Variants in CREBRF observed in about 807,000 individuals in gnomAD.
The protein encoded by CREBRF is UPF0474 protein C5orf41.
Under a neutral mutation model 66.1 loss-of-function variants are expected in CREBRF, and 5 were observed. That is an observed-to-expected ratio of 0.08 (90% confidence interval 0.04 to 0.16). The LOEUF is 0.16. Among genes scored for constraint, CREBRF ranks in the 10% least tolerant of loss-of-function variants. The probability of loss-of-function intolerance (pLI) is 1.00; values close to 1 mark genes in which losing one functional copy is unlikely to be tolerated. For synonymous variants in CREBRF, 229 were observed against 264.4 expected (o/e 0.87, Z 1.30); for missense variants, 531 against 744.9 (o/e 0.71, Z 3.34).
rs562884568 is a variant in CREBRF, at chr5:173,127,001, T to G, written c.1804+3799T>G. On this transcript the variant is annotated intron_variant, in intron 8 of 8. Coordinates refer to ENST00000296953, the MANE Select transcript of CREBRF (RefSeq NM_153607.3). ...CAGGAGCTCAAGACCAGCCTGAACC[T>G]GGAAGGTCAAGGCTTCAATGAGCAG... Among the ~76,000 whole-genome samples the G allele has an allele frequency of 2.0e-5, 3 of 152,214 alleles. No individual in the cohort carries two copies. In the East Asian group the frequency reaches 5.8e-4, roughly 29 times the overall value.
chr5:173,083,894 CAATT>C (rs1270014272), intron 2 of CREBRF, among the ~76,000 whole-genome samples: 1 of 152,056 alleles, frequency 6.6e-6, no homozygotes, highest in African/African-American at 2.4e-5. Flanking sequence ...ATTACAAACT[CAATT>C]TATTTGGTGT....
At chr5:173,116,958 T>C (rs1442910594) in intron 7 of CREBRF, among the ~76,000 whole-genome samples, 2 of 152,184 alleles carry the variant, frequency 1.3e-5, no homozygotes, top group Non-Finnish European at 2.9e-5. Context: ...TGGTCTTAAC[T>C]TTTCATTTCT....
intron 4 of CREBRF, among the ~76,000 whole-genome samples, chr5:173,108,073 C>T (rs1281268934): frequency 2.6e-5 from 4 of 151,738 alleles, no homozygotes; most frequent in Admixed American, 1.3e-4. Flanking sequence ...CTCAAGTGAT[C>T]TACCTATCTC....
intron 4 of CREBRF, among the ~76,000 whole-genome samples, chr5:173,093,039 T>C (rs555942768): frequency 6.6e-6 from 1 of 152,324 alleles, no homozygotes; most frequent in African/African-American, 2.4e-5. Context: ...CTCCCTGCAC[T>C]TGGAAGATCA....
At chr5:173,086,751 T>G in intron 3 of CREBRF, 125 bp downstream of exon 3, 3 of 617,952 alleles carry the variant, frequency 4.9e-6, no homozygotes, top group Non-Finnish European at 5.1e-6. Context: ...CTTATGATTA[T>G]ACCTAGGATA....
intron 8 of CREBRF, among the ~76,000 whole-genome samples, chr5:173,128,880 A>C (rs1271403105): frequency 1.3e-5 from 2 of 151,018 alleles, no homozygotes; most frequent in Non-Finnish European, 2.9e-5. Flanking sequence ...TCCCGGGCTC[A>C]CACCATTCTC....
rs1435112682 is a variant in CREBRF at position 173,080,590 on chromosome 5, A to G, written c.-186A>G. 2 of 585,534 alleles carry G rather than the reference A, an allele frequency of 3.4e-6. No individual in the cohort carries two copies. Among genetic ancestry groups the G allele is most frequent in the African/African-American group, 1.9e-5 (1 of 53,588 alleles). 36.3% of individuals were successfully genotyped at this position (585,534 alleles called of 1,614,324 possible). On this transcript the variant is annotated 5_prime_UTR_variant, in exon 2 of 9. Coordinates refer to ENST00000296953, the MANE Select transcript of CREBRF (RefSeq NM_153607.3). ...TACTTTGTGTTGTTTGACAGACAGC[A>G]TCGCACAGAATTATTTTAAAAAAAA...
At chr5:173,059,657 A>G (rs1757208354) in intron 1 of CREBRF, among the ~76,000 whole-genome samples, 3 of 107,120 alleles carry the variant, frequency 2.8e-5, no homozygotes, top group African/African-American at 5.6e-5. Flanking sequence ...GTATAGTGAA[A>G]ATAAAAATAA....
intron 1 of CREBRF, among the ~76,000 whole-genome samples, chr5:173,075,410 T>C (rs1247895316): frequency 6.6e-6 from 1 of 152,208 alleles, no homozygotes; most frequent in Non-Finnish European, 1.5e-5. Flanking sequence ...TTTTGGAGAC[T>C]TTGGGATGTC....
intron 1 of CREBRF, among the ~76,000 whole-genome samples, chr5:173,074,184 C>T (rs183434384): frequency 4.4e-4 from 67 of 151,950 alleles, no homozygotes; most frequent in Admixed American, 2.8e-3. Context: ...TGCCTGTAAT[C>T]CCACTACTTG....
rs745784348 is a variant in CREBRF, at chr5:173,110,466, C to T, written c.1418-56C>T. ...TGGTTAAAAATGTGGCCGTGAAAAA[C>T]GTGTCTCTTGTTAATTAAAGTGATC... On this transcript the variant is annotated intron_variant, in intron 5 of 8. Coordinates refer to ENST00000296953, the MANE Select transcript of CREBRF (RefSeq NM_153607.3). 2.4e-5 allele frequency: 31 copies of T among 1,284,400 alleles called. 1 individual carries two copies. The African/African-American group carries it at 3.7e-4, about 15-fold the overall frequency. The allele number at this position is 1,284,400 out of a possible 1,614,324, so 79.6% of individuals were successfully genotyped here.
intron 7 of CREBRF, among the ~76,000 whole-genome samples, chr5:173,122,742 T>TCCC (rs1228574454): frequency 1.3e-5 from 1 of 76,770 alleles, no homozygotes; most frequent in Non-Finnish European, 2.4e-5. Flanking sequence ...ATGCTATCCC[T>TCCC]CCCCCCTCCC....
intron 8 of CREBRF, chr5:173,123,892 C>T (rs551780600): frequency 6.6e-6 from 1 of 152,316 alleles, no homozygotes; most frequent in East Asian, 1.9e-4. Context: ...CCAGTATTTT[C>T]CTCAGCAATC....
At chr5:173,060,838 A>G (rs1020398150) in intron 1 of CREBRF, among the ~76,000 whole-genome samples, 28 of 152,102 alleles carry the variant, frequency 1.8e-4, no homozygotes, top group African/African-American at 6.5e-4. Flanking sequence ...AGCTGTAGAA[A>G]ATATGTTCTA....
intron 1 of CREBRF, among the ~76,000 whole-genome samples, chr5:173,079,590 A>T (rs962058920): frequency 2.6e-5 from 4 of 152,160 alleles, no homozygotes; most frequent in African/African-American, 9.7e-5. Context: ...AAGAAGTGAC[A>T]CTGCTTCTGG....
intron 3 of CREBRF, among the ~76,000 whole-genome samples, chr5:173,087,104 G>A (rs1287446237): frequency 2.0e-5 from 3 of 151,976 alleles, no homozygotes; most frequent in African/African-American, 7.2e-5. Flanking sequence ...CTGGCACCAT[G>A]CCCAGCTAAT....
chr5:173,077,776 T>G (rs921159037), intron 1 of CREBRF, among the ~76,000 whole-genome samples: 4 of 152,194 alleles, frequency 2.6e-5, no homozygotes, highest in African/African-American at 7.2e-5. Context: ...AACCTCCATT[T>G]TACTCTCTTT....
chr5:173,110,311 A>G, intron 5 of CREBRF: 1 of 660,200 alleles, frequency 1.5e-6, no homozygotes, highest in South Asian at 1.5e-5. Context: ...ACTCTGCCAT[A>G]TCACCCCCAT....
At chr5:173,063,041 C>T (rs1262927226) in intron 1 of CREBRF, among the ~76,000 whole-genome samples, 1 of 152,162 alleles carries the variant, frequency 6.6e-6, no homozygotes, top group African/African-American at 2.4e-5. Flanking sequence ...GCCACCGCGC[C>T]CAGCCTGTAA....
Sources: allele counts gnomAD v4.1 joint callset (sites outside exome capture counted in the v4.1 genomes callset), GRCh38; gene constraint gnomAD v4.1.1; transcripts MANE v1.5; gene names NCBI Gene and HGNC (gene_info 2026-07-23, HGNC 2026-07-21).